The following ENTPD1 variants were observed in gnomAD, a reference collection of about 807,000 sequenced individuals.
The protein encoded by ENTPD1 is ATP diphosphohydrolase.
ENTPD1 carries 33 observed loss-of-function variants against 57.0 expected under a neutral mutation model. The observed-to-expected ratio is 0.58, with a 90% CI of 0.44 to 0.77. ENTPD1 has a LOEUF of 0.77. ENTPD1 is among the 30% of genes least tolerant of loss of function. The pLI is 0.00. For missense variants in ENTPD1, 501 were observed against 603.4 expected (o/e 0.83, Z 1.78); for synonymous variants, 202 against 218.8 (o/e 0.92, Z 0.68).
chr10:95,769,181 T>TGGTTGTCCAGA (rs1415782085), intron 1 of ENTPD1, among the ~76,000 whole-genome samples: 2 of 152,236 alleles, frequency 1.3e-5, no homozygotes, highest in Non-Finnish European at 2.9e-5. Context: ...TCTGTCAATA[T>TGGTTGTCCAGA]GGTTGTCCAG....
At chr10:95,838,426 A>T (rs1030970286) in intron 2 of ENTPD1, among the ~76,000 whole-genome samples, 1 of 152,240 alleles carries the variant, frequency 6.6e-6, no homozygotes. Flanking sequence ...TCAACAGTTG[A>T]ATGGATAAAA....
chr10:95,792,724 G>C (rs2098210105), intron 1 of ENTPD1, among the ~76,000 whole-genome samples: 1 of 152,160 alleles, frequency 6.6e-6, no homozygotes, highest in Non-Finnish European at 1.5e-5. Flanking sequence ...TTTTAGGCTG[G>C]TCTGTTGGGG....
At chr10:95,696,224 C>T in the ENTPD1 span, among the ~76,000 whole-genome samples, 2 of 151,876 alleles carry the variant, frequency 1.3e-5, no homozygotes, top group Non-Finnish European at 2.9e-5. Flanking sequence ...TATAGTTAAG[C>T]AAAAAGATTA....
intron 1 of ENTPD1, among the ~76,000 whole-genome samples, chr10:95,747,332 A>ATG (rs1433209915): frequency 2.6e-5 from 4 of 152,258 alleles, no homozygotes; most frequent in Non-Finnish European, 5.9e-5. Flanking sequence ...AGTTGAATAC[A>ATG]TAAACACAGG....
chr10:95,802,932 T>C (rs549203738), intron 1 of ENTPD1, among the ~76,000 whole-genome samples: 1 of 152,306 alleles, frequency 6.6e-6, no homozygotes, highest in African/African-American at 2.4e-5. Context: ...TACGTCTTTA[T>C]AGTAGCATGC....
chr10:95,766,238 A>G (rs1191438469), intron 1 of ENTPD1, among the ~76,000 whole-genome samples: 4 of 152,178 alleles, frequency 2.6e-5, no homozygotes, highest in Non-Finnish European at 5.9e-5. Context: ...TAAATATTTC[A>G]GTATGTATTT....
intron 1 of ENTPD1, among the ~76,000 whole-genome samples, chr10:95,721,786 G>T (rs1174561812): frequency 6.6e-6 from 1 of 151,982 alleles, no homozygotes; most frequent in Non-Finnish European, 1.5e-5. Context: ...GCTTTCCAGG[G>T]TGCGTAACTA....
At chr10:95,712,927 G>A (rs764982074) in intron 1 of ENTPD1, among the ~76,000 whole-genome samples, 8 of 152,052 alleles carry the variant, frequency 5.3e-5, no homozygotes, top group Non-Finnish European at 1.2e-4. Context: ...CCAACTACTC[G>A]GGAGGCTGAG....
At chr10:95,818,754 A>C (rs2098338554) in intron 1 of ENTPD1, among the ~76,000 whole-genome samples, 1 of 152,184 alleles carries the variant, frequency 6.6e-6, no homozygotes, top group Non-Finnish European at 1.5e-5. Flanking sequence ...GGTGGTGTGG[A>C]GACTTTGACT....
At chr10:95,856,258 T>C (rs1041317653) in intron 7 of ENTPD1, among the ~76,000 whole-genome samples, 2 of 152,204 alleles carry the variant, frequency 1.3e-5, no homozygotes, top group South Asian at 4.2e-4. Flanking sequence ...CATCACTAAT[T>C]ATCAGGGAAA....
At chr10:95,844,697 G>T in intron 5 of ENTPD1, 62 bp downstream of exon 5, 2 of 1,599,222 alleles carry the variant, frequency 1.3e-6, no homozygotes, top group Non-Finnish European at 1.7e-6. Flanking sequence ...TGCTATCTCA[G>T]GCAGTACTTG....
intron 1 of ENTPD1, among the ~76,000 whole-genome samples, chr10:95,737,134 G>C (rs1322938931): frequency 1.3e-5 from 2 of 152,146 alleles, no homozygotes; most frequent in Non-Finnish European, 2.9e-5. Context: ...AGTATTTACT[G>C]TTTTCCTACT....
intron 1 of ENTPD1, among the ~76,000 whole-genome samples, chr10:95,720,881 T>G (rs775895918): frequency 1.3e-5 from 2 of 152,152 alleles, no homozygotes; most frequent in Non-Finnish European, 2.9e-5. Context: ...GCCTCCAAAG[T>G]CCGCTTGCCT....
At chr10:95,751,512 A>G (rs1434424733), upstream of ENTPD1, among the ~76,000 whole-genome samples, 2 of 151,982 alleles carry the variant, frequency 1.3e-5, no homozygotes, top group Non-Finnish European at 2.9e-5. Flanking sequence ...TGAGGTCAGG[A>G]GTTCGAGACC....
At chr10:95,822,523 C>T (rs560417907) in intron 1 of ENTPD1, among the ~76,000 whole-genome samples, 48 of 149,102 alleles carry the variant, frequency 3.2e-4, no homozygotes, top group African/African-American at 9.4e-4. Context: ...TCTTGAACTG[C>T]TGGCCTTGAG....
At chr10:95,824,190 A>G (rs890765616) in intron 2 of ENTPD1, among the ~76,000 whole-genome samples, 1 of 152,258 alleles carries the variant, frequency 6.6e-6, no homozygotes, top group African/African-American at 2.4e-5. Context: ...ATTATAGTAA[A>G]CAAATATATA....
the ENTPD1 span, among the ~76,000 whole-genome samples, chr10:95,699,924 G>A: frequency 6.6e-6 from 1 of 152,178 alleles, no homozygotes; most frequent in African/African-American, 2.4e-5. Context: ...ATACCACAGA[G>A]TAGCCAGAAC....
chr10:95,834,918 G>A (rs991386735), intron 2 of ENTPD1, among the ~76,000 whole-genome samples: 39 of 141,908 alleles, frequency 2.7e-4, no homozygotes, highest in African/African-American at 7.7e-4. Context: ...GCGAGACTCC[G>A]TCTCAAAAAA....
the ENTPD1 span, among the ~76,000 whole-genome samples, chr10:95,704,864 ATATATATATG>A: frequency 6.6e-6 from 1 of 150,966 alleles, no homozygotes; most frequent in African/African-American, 2.4e-5. Flanking sequence ...AAAATATTAT[ATATATATATG>A]TATATATATG....
Sources: gnomAD v4.1 joint callset for allele counts (sites outside exome capture counted in the v4.1 genomes callset) on GRCh38, gnomAD v4.1.1 for gene constraint, MANE v1.5 for transcripts, NCBI Gene and HGNC (gene_info 2026-07-23, HGNC 2026-07-21) for gene names.